ARHGAP40: variants seen among roughly 807,000 people sequenced by gnomAD.
The protein encoded by ARHGAP40 is rho GTPase-activating protein 40.
A neutral mutation model predicts 73.5 loss-of-function variants in ARHGAP40; 43 were observed. The observed-to-expected ratio is 0.58, with a 90% confidence interval of 0.46 to 0.75. ARHGAP40 has a LOEUF of 0.75. Ranked by LOEUF, ARHGAP40 falls within the 30% of genes least tolerant of loss-of-function variation. The pLI, the probability that ARHGAP40 is intolerant of heterozygous loss-of-function variation, is 0.00. For missense variants in ARHGAP40, 734 were observed against 861.8 expected, an observed-to-expected ratio of 0.85 and a Z score of 1.86; for synonymous variants, 300 against 352.8, an observed-to-expected ratio of 0.85 and a Z score of 1.68.
intron 1 of ARHGAP40, among the ~76,000 whole-genome samples, chr20:38,604,344 T>C (rs1228963669): frequency 6.6e-6 from 1 of 151,944 alleles, no homozygotes; most frequent in East Asian, 1.9e-4. Context: ...CCATTCTGTT[T>C]ATTACTGAAA....
chr20:38,615,918 C>G (rs1029203367), intron 1 of ARHGAP40, among the ~76,000 whole-genome samples: 6 of 152,230 alleles, frequency 3.9e-5, no homozygotes, highest in Non-Finnish European at 8.8e-5. Flanking sequence ...CTACCCTAGG[C>G]TCTGCTGGGC....
At position 38,633,138 on chromosome 20, in the gene ARHGAP40, A is replaced by G. The variant is rs528603870; in HGVS notation, c.784-1482A>G. Among the ~76,000 whole-genome samples, 1,148 of 149,834 alleles carry G rather than the reference A, an allele frequency of 7.7e-3. 10 individuals are homozygous for G. The highest frequency in any genetic ancestry group is 0.026 in the African/African-American group (1,055 of 40,672). ...ACTCCGTCTCAAAAAAAAAAAAAAT[A>G]GTTGGATGTGGTGGTGTGTGCCCGT... On this transcript the variant is annotated intron_variant, in intron 5 of 14. Transcript: ENST00000373345.
At position 38,647,131 on chromosome 20, in the gene ARHGAP40, G is replaced by C. The variant is rs1350829318; in HGVS notation, c.1880+5G>C. ...CATGGACAGCCTCCTTCTACAGTAA[G>C]AGGCACCTCCTGGAGGCAGGAGCCT... is the stretch of plus-strand genomic sequence containing the variant. On this transcript the variant is annotated splice_donor_5th_base_variant and intron_variant, in intron 13 of 14. Coordinates refer to ENST00000373345, the Ensembl canonical transcript of ARHGAP40. 1.5e-5 allele frequency: 20 copies of C among 1,303,270 alleles called. No individual in the cohort carries two copies. Among genetic ancestry groups the C allele is most frequent in the Non-Finnish European group, 2.0e-5 (20 of 988,080 alleles). The allele number at this position is 1,303,270 out of a possible 1,614,324, so 80.7% of individuals were successfully genotyped here. A position where few individuals can be genotyped will look rare whatever the true frequency, so the allele number is the denominator to read the frequency against.
At position 38,644,027 on chromosome 20, in the gene ARHGAP40, G is replaced by T. The variant is rs116764289; in HGVS notation, c.1569+117G>T. 9.6e-4 allele frequency: 889 copies of T among 929,222 alleles called. 6 individuals are homozygous for T. The African/African-American group carries it at 0.014, about 14-fold the overall frequency. The allele number at this position is 929,222 out of a possible 1,614,324, so 57.6% of individuals were successfully genotyped here. On this transcript the variant is annotated intron_variant, in intron 11 of 14. Transcript: ENST00000373345. ...CTAGTGTGTCCCTTCCAGGACCTTT[G>T]TTGGCCTCTGCACAGGCCTGTGTTT...
intron 1 of ARHGAP40, among the ~76,000 whole-genome samples, chr20:38,618,946 C>T (rs960126735): frequency 6.6e-6 from 1 of 152,164 alleles, no homozygotes; most frequent in Non-Finnish European, 1.5e-5. Flanking sequence ...TGGGACCATA[C>T]GTGATATCCA....
chr20:38,633,299 C>T (rs1455117504), intron 5 of ARHGAP40, among the ~76,000 whole-genome samples: 4 of 152,092 alleles, frequency 2.6e-5, no homozygotes, highest in African/African-American at 9.7e-5. Context: ...AATAATAATG[C>T]TAAAGACATC....
chr20:38,620,280 C>T (rs898433265), intron 1 of ARHGAP40, among the ~76,000 whole-genome samples: 5 of 152,138 alleles, frequency 3.3e-5, no homozygotes, highest in African/African-American at 9.6e-5. Flanking sequence ...TTTGTGGATG[C>T]GTTCTCTTCC....
intron 5 of ARHGAP40, among the ~76,000 whole-genome samples, chr20:38,632,817 A>C (rs1045718351): frequency 6.7e-6 from 1 of 149,996 alleles, no homozygotes; most frequent in Middle Eastern, 3.5e-3. Flanking sequence ...CTCTACAAAA[A>C]TTTTTTTTAA....
chr20:38,605,013 T>A (rs1403179431), intron 1 of ARHGAP40, among the ~76,000 whole-genome samples: 1 of 152,130 alleles, frequency 6.6e-6, no homozygotes, highest in Admixed American at 6.5e-5. Flanking sequence ...TGTTCTTGTG[T>A]ATTGGCTCAC....
intron 1 of ARHGAP40, among the ~76,000 whole-genome samples, chr20:38,608,007 C>A (rs1265631096): frequency 6.6e-6 from 1 of 152,020 alleles, no homozygotes; most frequent in African/African-American, 2.4e-5. Flanking sequence ...TCATTTGTTG[C>A]AGATATTTCC....
intron 10 of ARHGAP40, 54 bp downstream of exon 10, chr20:38,641,862 C>A: frequency 8.3e-7 from 1 of 1,200,084 alleles, no homozygotes; most frequent in Non-Finnish European, 1.1e-6. Flanking sequence ...ACAGCCACAG[C>A]CATGGCTTCA....
chr20:38,639,806 C>G (rs535773256), intron 9 of ARHGAP40, among the ~76,000 whole-genome samples: 1 of 152,246 alleles, frequency 6.6e-6, no homozygotes, highest in East Asian at 1.9e-4. Flanking sequence ...ATGTGTTGCA[C>G]GGACCTTGCT....
chr20:38,630,161 C>G (rs950649162), intron 5 of ARHGAP40, among the ~76,000 whole-genome samples: 1 of 138,648 alleles, frequency 7.2e-6, no homozygotes. Context: ...CTCCCTCCCT[C>G]CCTTCCTTCC....
chr20:38,640,026 A>T (rs1026386973), intron 9 of ARHGAP40, among the ~76,000 whole-genome samples: 1 of 152,164 alleles, frequency 6.6e-6, no homozygotes, highest in Non-Finnish European at 1.5e-5. Context: ...AGGGACAGGG[A>T]TCCTGAGAGG....
At chr20:38,640,197 TTTCTTC>T (rs2089009012) in intron 9 of ARHGAP40, among the ~76,000 whole-genome samples, 1 of 35,228 alleles carries the variant, frequency 2.8e-5, no homozygotes, top group Non-Finnish European at 7.1e-5. Flanking sequence ...TCTTTTCTTC[TTTCTTC>T]TTTCTTCTTT....
At chr20:38,607,045 G>T (rs1316728990) in intron 1 of ARHGAP40, among the ~76,000 whole-genome samples, 1 of 152,170 alleles carries the variant, frequency 6.6e-6, no homozygotes, top group East Asian at 1.9e-4. Flanking sequence ...AGGATAAAAT[G>T]ACATTAATGC....
At position 38,639,840 on chromosome 20, in the gene ARHGAP40, G is replaced by A. The variant is rs551838889; in HGVS notation, c.1279+454G>A. On this transcript the variant is annotated intron_variant, in intron 9 of 14. Coordinates refer to ENST00000373345, the Ensembl canonical transcript of ARHGAP40. Reference sequence around the variant, plus strand: ...CTGTATGTATAGTCTGCATATATATGTTCCTGTCTGGACTTCTTCACAATC... The same window carrying A: ...CTGTATGTATAGTCTGCATATATATATTCCTGTCTGGACTTCTTCACAATC... Among the ~76,000 whole-genome samples the A allele has an allele frequency of 2.3e-4, 35 of 152,328 alleles. No individual in the cohort carries two copies. The South Asian group carries it at 7.0e-3, about 31-fold the overall frequency.
At chr20:38,647,801 C>T (rs1433228345) in intron 13 of ARHGAP40, among the ~76,000 whole-genome samples, 1 of 151,742 alleles carries the variant, frequency 6.6e-6, no homozygotes, top group Non-Finnish European at 1.5e-5. Flanking sequence ...CAGATAGTCA[C>T]GAATCAAAGA....
intron 5 of ARHGAP40, among the ~76,000 whole-genome samples, chr20:38,632,669 A>G (rs932873420): frequency 5.3e-5 from 8 of 152,172 alleles, no homozygotes; most frequent in Admixed American, 3.9e-4. Flanking sequence ...ATTATGAATG[A>G]TGATAATAAT....
Sources: gnomAD v4.1 joint callset for allele counts (sites outside exome capture counted in the v4.1 genomes callset) on GRCh38, gnomAD v4.1.1 for gene constraint, MANE v1.5 for transcripts, NCBI Gene and HGNC (gene_info 2026-07-23, HGNC 2026-07-21) for gene names.